The following IQGAP2 variants were observed in gnomAD, a reference collection of about 807,000 sequenced individuals.
IQGAP2 encodes the protein ras GTPase-activating-like protein IQGAP2.
Under a neutral mutation model 201.3 loss-of-function variants are expected in IQGAP2, and 173 were observed. The observed-to-expected ratio is 0.86, with a 90% CI of 0.76 to 0.98. The LOEUF is 0.98. Ranked by LOEUF, IQGAP2 falls within the 50% of genes least tolerant of loss-of-function variation. IQGAP2 has a pLI of 0.00. For missense variants in IQGAP2, 1,687 were observed against 1,864.8 expected (o/e 0.90, Z 1.76); for synonymous variants, 675 against 673.9 (o/e 1.00, Z -0.03).
chr5:76,677,203 TC>T lies in IQGAP2; in HGVS notation c.3528-9del, dbSNP rs754417921. On this transcript the variant is annotated splice_polypyrimidine_tract_variant and intron_variant, in intron 27 of 35. Coordinates refer to ENST00000274364, the MANE Select transcript of IQGAP2 (RefSeq NM_006633.5). ...ATGTTTGAGTCTGTCTTAAGACTTT[TC>T]CCCCCTTTATTAGGAAATATTTCAA... The T allele has an allele frequency of 9.9e-6, 16 of 1,610,822 alleles. No individual in the cohort carries two copies. In the South Asian group the frequency reaches 9.9e-5, roughly 10 times the overall value.
chr5:76,617,589 G>A (rs749888207), intron 13 of IQGAP2: 5 of 1,606,166 alleles, frequency 3.1e-6, no homozygotes, highest in Admixed American at 1.7e-5. Context: ...TCACTATTTT[G>A]TAAGGTAAGC....
chr5:76,527,506 T>C (rs1561439312), intron 2 of IQGAP2, among the ~76,000 whole-genome samples: 1 of 152,218 alleles, frequency 6.6e-6, no homozygotes, highest in Non-Finnish European at 1.5e-5. Flanking sequence ...AATTCTAACC[T>C]AGTGTGGCTT....
intron 1 of IQGAP2, among the ~76,000 whole-genome samples, chr5:76,417,090 C>T (rs1035645208): frequency 6.6e-6 from 1 of 152,008 alleles, no homozygotes; most frequent in Non-Finnish European, 1.5e-5. Context: ...TTATGTTTAC[C>T]CTGTCTCAAA....
rs1180753125 is a variant in IQGAP2, at chr5:76,496,754, TTTC to T, written c.146+35088_146+35090del. On this transcript the variant is annotated intron_variant, in intron 2 of 35. Coordinates refer to ENST00000274364, the MANE Select transcript of IQGAP2 (RefSeq NM_006633.5). ...CTTTCTTTCTTTCTTTCTTTCTTTC[TTTC>T]TTTCTTTCTTTCTTTCTTTCTTTCT... Among the ~76,000 whole-genome samples, 566 of 68,684 alleles carry T rather than the reference TTTC, an allele frequency of 8.2e-3. 17 individuals are homozygous for T. Among genetic ancestry groups the T allele is most frequent in the African/African-American group, 0.027 (337 of 12,362 alleles). 45.1% of individuals were successfully genotyped at this position (68,684 alleles called of 152,430 possible).
intron 1 of IQGAP2, among the ~76,000 whole-genome samples, chr5:76,450,934 A>G (rs1753701464): frequency 6.6e-6 from 1 of 151,410 alleles, no homozygotes; most frequent in Non-Finnish European, 1.5e-5. Context: ...AATTGCCCTG[A>G]ATCATGTGTT....
chr5:76,442,189 T>G (rs1476892241), intron 1 of IQGAP2, among the ~76,000 whole-genome samples: 1 of 152,168 alleles, frequency 6.6e-6, no homozygotes, highest in African/African-American at 2.4e-5. Flanking sequence ...CGGGCTACAG[T>G]GCTTTCATAG....
chr5:76,600,518 A>C (rs1315077753), intron 10 of IQGAP2, among the ~76,000 whole-genome samples: 3 of 152,138 alleles, frequency 2.0e-5, no homozygotes, highest in Non-Finnish European at 2.9e-5. Flanking sequence ...CTGAGCCTTT[A>C]AGCAACCAGT....
At chr5:76,660,001 C>G (rs2150450252) in intron 21 of IQGAP2, 1 of 152,336 alleles carries the variant, frequency 6.6e-6, no homozygotes, top group African/African-American at 2.4e-5. Flanking sequence ...CTCCCTGTCC[C>G]TGTTCCCTTC....
chr5:76,567,068 C>G (rs971764625), intron 3 of IQGAP2, among the ~76,000 whole-genome samples: 3 of 152,142 alleles, frequency 2.0e-5, no homozygotes, highest in African/African-American at 4.8e-5. Flanking sequence ...ATAATAAATT[C>G]TTGTCAAATA....
intron 16 of IQGAP2, 22 bp downstream of exon 16, chr5:76,637,198 G>C: frequency 6.3e-7 from 1 of 1,578,932 alleles, no homozygotes; most frequent in Non-Finnish European, 8.6e-7. Flanking sequence ...GTGTTTGATG[G>C]ATAACTCTAC....
At chr5:76,410,496 C>T (rs1170981184) in intron 1 of IQGAP2, among the ~76,000 whole-genome samples, 1 of 152,152 alleles carries the variant, frequency 6.6e-6, no homozygotes, top group Non-Finnish European at 1.5e-5. Flanking sequence ...GGCAAGACAG[C>T]GATGTGAGCA....
intron 2 of IQGAP2, among the ~76,000 whole-genome samples, chr5:76,548,455 G>T (rs144569921): frequency 4.8e-4 from 73 of 152,336 alleles, no homozygotes; most frequent in African/African-American, 1.6e-3. Context: ...TTCACCTAAG[G>T]CTTCTGCTTA....
intron 23 of IQGAP2, among the ~76,000 whole-genome samples, chr5:76,669,735 A>C (rs1744124413): frequency 6.6e-6 from 1 of 152,218 alleles, no homozygotes; most frequent in Non-Finnish European, 1.5e-5. Flanking sequence ...TGACTTAATT[A>C]CTAACTACCA....
chr5:76,701,734 G>C (rs778687061), intron 34 of IQGAP2: 1 of 152,548 alleles, frequency 6.6e-6, no homozygotes. Context: ...AAATCTCAAG[G>C]GAAGCCAGAC....
chr5:76,611,240 A>G (rs3797390), intron 13 of IQGAP2, 57 bp downstream of exon 13: 364,393 of 1,362,768 alleles, frequency 0.27, 53,684 homozygotes, highest in Admixed American at 0.52. Context: ...GCAGAGGGAG[A>G]GAAGGAGGAG....
At chr5:76,656,127 G>C (rs540309296) in intron 20 of IQGAP2, among the ~76,000 whole-genome samples, 18 of 152,264 alleles carry the variant, frequency 1.2e-4, no homozygotes, top group African/African-American at 4.3e-4. Context: ...ACTGAATAAT[G>C]TCTCATTCCA....
Position 76,505,315 on chromosome 5 carries a change from G to A in IQGAP2, c.146+43646G>A, listed in dbSNP as rs185375285. 3.0e-3 allele frequency among the ~76,000 whole-genome samples: 464 copies of A among 152,290 alleles called. 1 individual carries two copies. The highest frequency in any genetic ancestry group is 5.0e-3 in the Non-Finnish European group (337 of 68,032). On this transcript the variant is annotated intron_variant, in intron 2 of 35. Coordinates refer to ENST00000274364, the MANE Select transcript of IQGAP2 (RefSeq NM_006633.5). ...CACATCTCATTTAATCCAGGAAACC[G>A]TCGAAACTGCAAATCTCAACTGGGG...
chr5:76,505,056 A>G (rs1040961699), intron 2 of IQGAP2, among the ~76,000 whole-genome samples: 1 of 152,106 alleles, frequency 6.6e-6, no homozygotes, highest in African/African-American at 2.4e-5. Context: ...GCTTCCCTTG[A>G]TGCTCAAATG....
chr5:76,546,456 A>C (rs4704332), intron 2 of IQGAP2, among the ~76,000 whole-genome samples: 83,198 of 151,856 alleles, frequency 0.55, 23,717 homozygotes, highest in South Asian at 0.73. Context: ...ACAATACACC[A>C]CTTTTTATTT....
Sources: gnomAD v4.1 joint callset for allele counts (sites outside exome capture counted in the v4.1 genomes callset) on GRCh38, gnomAD v4.1.1 for gene constraint, MANE v1.5 for transcripts, NCBI Gene and HGNC (gene_info 2026-07-23, HGNC 2026-07-21) for gene names.